C9: variants seen among roughly 807,000 people sequenced by gnomAD.
C9 encodes complement component C9.
A neutral mutation model predicts 65.4 loss-of-function variants in C9; 63 were observed. The observed-to-expected ratio is 0.96, with a 90% CI of 0.79 to 1.19. The LOEUF (loss-of-function observed/expected upper bound fraction) is 1.19. C9 is among the 50% of genes most tolerant of loss of function. The pLI is 0.00. For missense variants in C9, 744 were observed against 670.1 expected (o/e 1.11, Z -1.22); for synonymous variants, 229 against 227.9 (o/e 1.00, Z -0.04).
intron 4 of C9, among the ~76,000 whole-genome samples, chr5:39,332,684 C>CAA (rs1297006297): frequency 6.6e-6 from 1 of 152,200 alleles, no homozygotes; most frequent in South Asian, 2.1e-4. Flanking sequence ...TACCTTGGTA[C>CAA]AAAAACAAAA....
At chr5:39,346,994 A>G (rs1251979437) in intron 1 of C9, among the ~76,000 whole-genome samples, 1 of 152,196 alleles carries the variant, frequency 6.6e-6, no homozygotes, top group African/African-American at 2.4e-5. Flanking sequence ...AAAACTCTCT[A>G]TAAATTAGGT....
chr5:39,309,908 T>C (rs944298212), intron 7 of C9, among the ~76,000 whole-genome samples: 1 of 152,152 alleles, frequency 6.6e-6, no homozygotes, highest in Non-Finnish European at 1.5e-5. Context: ...TCACCACTCA[T>C]AAGCCTTTCT....
intron 3 of C9, 23 bp downstream of exon 3, chr5:39,341,533 A>T: frequency 6.2e-7 from 1 of 1,612,186 alleles, no homozygotes; most frequent in Admixed American, 1.7e-5. Context: ...AGCCACAATG[A>T]GCAATTCAAG....
chr5:39,308,309 T>G lies in C9; in HGVS notation c.1161A>C (p.Val387=). The part of the protein sequence containing the change: ...IKRCLGYHLD[V]SLAFSEISVG... ...CAGAGATTTCAGAGAAAGCCAGAGA[T>G]ACATCCAGATGATACCCAAGGCATC... is the stretch of plus-strand genomic sequence containing the variant. The change falls in exon 8 of 11, where the codon GTA becomes GTC. Residue 387 remains valine (V), a synonymous_variant. Coordinates refer to ENST00000263408, the MANE Select transcript of C9 (RefSeq NM_001737.5). 1.2e-6 allele frequency: 2 copies of G among 1,606,144 alleles called. No individual in the cohort carries two copies. Among genetic ancestry groups the G allele is most frequent in the South Asian group, 2.2e-5 (2 of 90,936 alleles).
chr5:39,308,500 C>T (rs1753420446), intron 7 of C9, 142 bp from the exon 8 acceptor site: 1 of 688,486 alleles, frequency 1.5e-6, no homozygotes, highest in African/African-American at 1.8e-5. Flanking sequence ...TCATGTCTGT[C>T]CTGCTTTGTC....
At chr5:39,333,290 G>C (rs1430449352) in intron 4 of C9, among the ~76,000 whole-genome samples, 3 of 152,226 alleles carry the variant, frequency 2.0e-5, no homozygotes, top group African/African-American at 7.2e-5. Flanking sequence ...CTTTGTGCTT[G>C]GCCATGTGAC....
At chr5:39,293,678 G>T (rs1348768349) in intron 9 of C9, among the ~76,000 whole-genome samples, 1 of 151,908 alleles carries the variant, frequency 6.6e-6, no homozygotes, top group African/African-American at 2.4e-5. Flanking sequence ...AAGAACACAG[G>T]ATTTAAGCTG....
intron 1 of C9, among the ~76,000 whole-genome samples, chr5:39,348,002 CTT>C (rs1754243566): frequency 6.8e-6 from 1 of 146,344 alleles, no homozygotes; most frequent in East Asian, 2.0e-4. Context: ...TTCCTTATAT[CTT>C]ATACAAAAAT....
chr5:39,317,623 G>C (rs1753592243), intron 5 of C9, among the ~76,000 whole-genome samples: 1 of 152,002 alleles, frequency 6.6e-6, no homozygotes, highest in African/African-American at 2.4e-5. Flanking sequence ...TGCTTGTTTT[G>C]GTCAGAGTTG....
At chr5:39,345,770 G>A (rs986957180) in intron 1 of C9, among the ~76,000 whole-genome samples, 2 of 152,198 alleles carry the variant, frequency 1.3e-5, no homozygotes, top group Non-Finnish European at 2.9e-5. Flanking sequence ...ACAGTTGGAA[G>A]TAAAGCACTC....
chr5:39,344,416 G>C (rs939818521), intron 1 of C9, among the ~76,000 whole-genome samples: 2 of 152,184 alleles, frequency 1.3e-5, no homozygotes, highest in Non-Finnish European at 2.9e-5. Flanking sequence ...GGAAGAAAGG[G>C]TATCAGTGAT....
chr5:39,360,106 A>G (rs1320341144), intron 1 of C9, among the ~76,000 whole-genome samples: 1 of 152,176 alleles, frequency 6.6e-6, no homozygotes, highest in Non-Finnish European at 1.5e-5. Context: ...GAATGTTTGG[A>G]TATTTTTCCA....
chr5:39,353,471 C>A (rs971350971), intron 1 of C9, among the ~76,000 whole-genome samples: 3 of 152,160 alleles, frequency 2.0e-5, no homozygotes, highest in Non-Finnish European at 4.4e-5. Flanking sequence ...GCCACTTTTT[C>A]TCATGTCTTC....
At chr5:39,358,083 G>T (rs1045784121) in intron 1 of C9, among the ~76,000 whole-genome samples, 2 of 152,166 alleles carry the variant, frequency 1.3e-5, no homozygotes, top group African/African-American at 4.8e-5. Flanking sequence ...GACCCCAGCT[G>T]CAGCCACCAT....
At chr5:39,361,316 C>G (rs923677151) in intron 1 of C9, among the ~76,000 whole-genome samples, 2 of 152,100 alleles carry the variant, frequency 1.3e-5, no homozygotes, top group Non-Finnish European at 2.9e-5. Flanking sequence ...TTTTTAAACT[C>G]TTTATATATA....
At chr5:39,333,060 A>G (rs1286881002) in intron 4 of C9, among the ~76,000 whole-genome samples, 2 of 152,254 alleles carry the variant, frequency 1.3e-5, no homozygotes, top group African/African-American at 4.8e-5. Context: ...ACCTTTCATG[A>G]AAAATGCTAT....
intron 5 of C9, among the ~76,000 whole-genome samples, chr5:39,325,179 T>C (rs962687327): frequency 1.3e-5 from 2 of 152,172 alleles, no homozygotes; most frequent in Non-Finnish European, 2.9e-5. Context: ...GTTATTATTA[T>C]CAAAGCCATC....
intron 1 of C9, among the ~76,000 whole-genome samples, chr5:39,360,162 T>A (rs1264041904): frequency 2.0e-5 from 3 of 152,226 alleles, no homozygotes; most frequent in Non-Finnish European, 1.5e-5. Flanking sequence ...TAATAGTTGC[T>A]AACATTTGTG....
At chr5:39,311,051 G>T in intron 7 of C9, 86 bp downstream of exon 7, 1 of 1,434,210 alleles carries the variant, frequency 7.0e-7, no homozygotes, top group Non-Finnish European at 9.8e-7. Context: ...GTATTCTTAA[G>T]ACTTTAACCA....
Sources: allele counts gnomAD v4.1 joint callset (sites outside exome capture counted in the v4.1 genomes callset), GRCh38; gene constraint gnomAD v4.1.1; transcripts MANE v1.5; gene names NCBI Gene and HGNC (gene_info 2026-07-23, HGNC 2026-07-21).